Variants in NEK1 observed in about 807,000 individuals in gnomAD.
NEK1 encodes the protein serine/threonine-protein kinase Nek1.
A neutral mutation model predicts 182.1 loss-of-function variants in NEK1; 137 were observed. That is an observed-to-expected ratio of 0.75 (90% CI 0.65 to 0.87). The LOEUF (loss-of-function observed/expected upper bound fraction) is 0.87. Ranked by LOEUF, NEK1 falls within the 40% of genes least tolerant of loss-of-function variation. The pLI is 0.00. For synonymous variants in NEK1, 513 were observed against 492.2 expected (o/e 1.04, Z -0.56); for missense variants, 1,391 against 1,494.4 (o/e 0.93, Z 1.14).
rs757747641 is a variant in NEK1, at chr4:169,479,475, T to C, written c.2067A>G (p.Thr689=). 64 of 1,611,784 alleles carry C rather than the reference T, an allele frequency of 4.0e-5. No individual in the cohort carries two copies. The Admixed American group carries it at 4.8e-4, about 12-fold the overall frequency. ...DVSPPLGQHE[T]GGSPSKQQMR... ...TCTGTTGCTTTGATGGAGAGCCACCTGTTTCATGCTGTCCCAAAGGTGGAG... is the reference window on the plus strand; with the variant it reads ...TCTGTTGCTTTGATGGAGAGCCACCCGTTTCATGCTGTCCCAAAGGTGGAG... The change falls in exon 24 of 36, where the codon ACA becomes ACG. Residue 689 remains threonine (T), a synonymous_variant. Coordinates refer to ENST00000507142, the MANE Select transcript of NEK1 (RefSeq NM_001199397.3).
At chr4:169,498,360 T>C (rs187265214) in intron 23 of NEK1, among the ~76,000 whole-genome samples, 11 of 152,348 alleles carry the variant, frequency 7.2e-5, no homozygotes, top group Non-Finnish European at 1.3e-4. Flanking sequence ...CTTTATCCAA[T>C]TTGCCAGTCT....
At chr4:169,574,065 G>T (rs1451825963) in intron 12 of NEK1, among the ~76,000 whole-genome samples, 2 of 152,106 alleles carry the variant, frequency 1.3e-5, no homozygotes, top group African/African-American at 4.8e-5. Context: ...AAGTTGAGGA[G>T]GTGGATTGCT....
intron 18 of NEK1, among the ~76,000 whole-genome samples, chr4:169,551,950 G>A (rs749391475): frequency 3.9e-5 from 6 of 152,014 alleles, no homozygotes; most frequent in Admixed American, 3.9e-4. Flanking sequence ...ACAGAAATAC[G>A]TGAAAATTCT....
At chr4:169,404,915 G>C (rs867237147) in intron 32 of NEK1, among the ~76,000 whole-genome samples, 1 of 152,042 alleles carries the variant, frequency 6.6e-6, no homozygotes, top group Non-Finnish European at 1.5e-5. Flanking sequence ...GAATCACAAA[G>C]AAAGCAATTT....
chr4:169,537,146 TTCTGTA>T (rs1758642574), intron 19 of NEK1, among the ~76,000 whole-genome samples: 1 of 152,202 alleles, frequency 6.6e-6, no homozygotes, highest in Non-Finnish European at 1.5e-5. Flanking sequence ...TCATCAGTTG[TTCTGTA>T]GACAAAATGT....
chr4:169,543,664 A>G (rs1759855155), intron 18 of NEK1, among the ~76,000 whole-genome samples: 1 of 152,096 alleles, frequency 6.6e-6, no homozygotes, highest in African/African-American at 2.4e-5. Context: ...TATTTCCTTG[A>G]GCAGTAGTTT....
At chr4:169,575,973 T>G (rs28409509) in intron 12 of NEK1, among the ~76,000 whole-genome samples, 1 of 141,788 alleles carries the variant, frequency 7.1e-6, no homozygotes, top group African/African-American at 2.8e-5. Context: ...TTCTTTTTTG[T>G]TTTTTTTTTT....
intron 23 of NEK1, among the ~76,000 whole-genome samples, chr4:169,481,957 C>T (rs904925592): frequency 3.3e-5 from 5 of 152,210 alleles, no homozygotes; most frequent in African/African-American, 1.2e-4. Context: ...CACTGAAAAT[C>T]TGTTGTTTAG....
At chr4:169,600,776 T>A (rs1371574285) in intron 4 of NEK1, among the ~76,000 whole-genome samples, 1 of 152,140 alleles carries the variant, frequency 6.6e-6, no homozygotes, top group Non-Finnish European at 1.5e-5. Context: ...AAGCAAAAAA[T>A]TACATATACT....
intron 29 of NEK1, among the ~76,000 whole-genome samples, chr4:169,427,451 A>G (rs987728087): frequency 6.6e-6 from 1 of 150,424 alleles, no homozygotes; most frequent in African/African-American, 2.4e-5. Flanking sequence ...ATAATTTTCT[A>G]CTTTCTCATT....
intron 2 of NEK1, among the ~76,000 whole-genome samples, chr4:169,607,651 G>A (rs1771592369): frequency 1.3e-5 from 2 of 151,992 alleles, no homozygotes; most frequent in Non-Finnish European, 2.9e-5. Context: ...ATTTAGTAGA[G>A]ATGGGGTTTC....
chr4:169,480,537 G>C (rs974857389), intron 23 of NEK1, among the ~76,000 whole-genome samples: 2 of 137,852 alleles, frequency 1.5e-5, no homozygotes, highest in Non-Finnish European at 3.1e-5. Context: ...AAAAGCTAAT[G>C]ATTCTTCTGA....
At chr4:169,457,842 G>GA (rs1247936889) in intron 27 of NEK1, among the ~76,000 whole-genome samples, 1 of 151,366 alleles carries the variant, frequency 6.6e-6, no homozygotes, top group African/African-American at 2.4e-5. Context: ...ACTGACAGGG[G>GA]AAAAAAAGAC....
chr4:169,605,666 C>A (rs1181807008), intron 2 of NEK1, among the ~76,000 whole-genome samples: 1 of 152,122 alleles, frequency 6.6e-6, no homozygotes, highest in Admixed American at 6.5e-5. Context: ...AAGGAACATA[C>A]GAATCCTGTT....
chr4:169,496,579 T>C (rs1236670173), intron 23 of NEK1, among the ~76,000 whole-genome samples: 1 of 150,786 alleles, frequency 6.6e-6, no homozygotes, highest in African/African-American at 2.5e-5. Context: ...ATACGTCCCA[T>C]CAATACATAA....
intron 35 of NEK1, among the ~76,000 whole-genome samples, chr4:169,396,272 A>G (rs1333022561): frequency 6.9e-6 from 1 of 144,774 alleles, no homozygotes; most frequent in African/African-American, 2.5e-5. Context: ...AGGGTGAGAC[A>G]GGAGAATTGC....
intron 19 of NEK1, among the ~76,000 whole-genome samples, chr4:169,533,393 T>C (rs1304340955): frequency 6.6e-6 from 1 of 152,222 alleles, no homozygotes; most frequent in Non-Finnish European, 1.5e-5. Flanking sequence ...GTAAAATTCA[T>C]ACTCCCAATC....
chr4:169,535,816 G>T (rs948591766), intron 19 of NEK1, among the ~76,000 whole-genome samples: 7 of 149,654 alleles, frequency 4.7e-5, no homozygotes, highest in African/African-American at 1.7e-4. Flanking sequence ...GGAGGCGGAG[G>T]TTGCAGTGAG....
chr4:169,584,943 T>C (rs1767280957), intron 10 of NEK1, among the ~76,000 whole-genome samples: 1 of 152,194 alleles, frequency 6.6e-6, no homozygotes, highest in Non-Finnish European at 1.5e-5. Context: ...CCCAGCACTT[T>C]GGAAGGCCAA....
Sources: gnomAD v4.1 joint callset for allele counts (sites outside exome capture counted in the v4.1 genomes callset) on GRCh38, gnomAD v4.1.1 for gene constraint, MANE v1.5 for transcripts, NCBI Gene and HGNC (gene_info 2026-07-23, HGNC 2026-07-21) for gene names.